Variants in RBM20 observed in about 807,000 individuals in gnomAD.
The protein encoded by RBM20 is RNA binding motif protein 20, also known as RNA-binding protein 20.
Under a neutral mutation model 110.1 loss-of-function variants are expected in RBM20, and 51 were observed. That is an observed-to-expected ratio of 0.46 (90% CI 0.37 to 0.59). The LOEUF (loss-of-function observed/expected upper bound fraction) is 0.59, where lower values mean the gene tolerates loss of function less well. Among genes scored for constraint, RBM20 ranks in the 20% least tolerant of loss-of-function variants. The pLI, the probability that RBM20 is intolerant of heterozygous loss-of-function variation, is 0.00. For missense variants in RBM20, 1,512 were observed against 1,574.9 expected (o/e 0.96, Z 0.68); for synonymous variants, 589 against 618.2 (o/e 0.95, Z 0.70).
Position 110,711,222 on chromosome 10 carries a change from C to T in RBM20, c.191+66577C>T, listed in dbSNP as rs527605624. Reference sequence around the variant, plus strand: ...GTGGGCACCTGTAATCCCAGCTGCTCGGGAGGCTGAGATAGGAGAATTGCT... The same window carrying T: ...GTGGGCACCTGTAATCCCAGCTGCTTGGGAGGCTGAGATAGGAGAATTGCT... On this transcript the variant is annotated intron_variant, in intron 1 of 13. Coordinates refer to ENST00000369519, the MANE Select transcript of RBM20 (RefSeq NM_001134363.3). Among the ~76,000 whole-genome samples, 26 of 144,032 alleles carry T rather than the reference C, an allele frequency of 1.8e-4. No individual in the cohort carries two copies. In the South Asian group the frequency reaches 5.3e-3, roughly 30 times the overall value. 94.5% of individuals were successfully genotyped at this position (144,032 alleles called of 152,430 possible). A position where few individuals can be genotyped will look rare whatever the true frequency, so the allele number is the denominator to read the frequency against.
intron 12 of RBM20, among the ~76,000 whole-genome samples, chr10:110,824,133 A>G (rs2135126886): frequency 6.6e-6 from 1 of 152,298 alleles, no homozygotes; most frequent in African/African-American, 2.4e-5. Flanking sequence ...ATACTCCGTG[A>G]AAACAGCCTT....
intron 1 of RBM20, among the ~76,000 whole-genome samples, chr10:110,748,635 G>A (rs74470621): frequency 0.014 from 2,080 of 152,198 alleles, 47 homozygotes; most frequent in African/African-American, 0.047. Flanking sequence ...TCACACTTAC[G>A]AGTTGTTGTG....
At chr10:110,655,403 C>G (rs1325481501) in intron 1 of RBM20, among the ~76,000 whole-genome samples, 4 of 151,606 alleles carry the variant, frequency 2.6e-5, no homozygotes, top group African/African-American at 9.7e-5. Context: ...GCTTGTTATG[C>G]ATGTTAAACA....
At chr10:110,652,797 G>A (rs1196074766) in intron 1 of RBM20, among the ~76,000 whole-genome samples, 4 of 152,210 alleles carry the variant, frequency 2.6e-5, no homozygotes, top group Non-Finnish European at 5.9e-5. Context: ...GGAGGAGAGA[G>A]AAATGGAGGC....
intron 5 of RBM20, among the ~76,000 whole-genome samples, chr10:110,790,287 G>A (rs1844468056): frequency 6.6e-6 from 1 of 152,154 alleles, no homozygotes; most frequent in Admixed American, 6.5e-5. Flanking sequence ...AGTAATTGAT[G>A]TGGCATATAC....
chr10:110,813,767 G>A lies in RBM20; in HGVS notation c.2550+820G>A, dbSNP rs540666070. ...GGAGAATCACTTTAACCCGGAAGGCGGAGGTTGCAGTGAGCCGAGATCATG... is the reference window on the plus strand; with the variant it reads ...GGAGAATCACTTTAACCCGGAAGGCAGAGGTTGCAGTGAGCCGAGATCATG... On this transcript the variant is annotated intron_variant, in intron 9 of 13. Transcript: ENST00000369519. Among the ~76,000 whole-genome samples the A allele has an allele frequency of 5.7e-4, 86 of 151,022 alleles. 1 individual carries two copies. The highest frequency in any genetic ancestry group is 3.4e-3 in the Middle Eastern group (1 of 294).
chr10:110,771,661 A>G lies in RBM20; in HGVS notation c.192-9140A>G, dbSNP rs181011695. ...GATCATGAAAGGGACATCAGTGCAC[A>G]CTGGATGGGAGCAGAAACCAGAGAA... is the stretch of plus-strand genomic sequence containing the variant. On this transcript the variant is annotated intron_variant, in intron 1 of 13. Transcript: ENST00000369519. Among the ~76,000 whole-genome samples, 613 of 152,350 alleles carry G rather than the reference A, an allele frequency of 4.0e-3. 5 individuals are homozygous for G. The highest frequency in any genetic ancestry group is 0.014 in the African/African-American group (584 of 41,586).
Position 110,831,114 on chromosome 10 carries a change from T to C in RBM20, c.3505T>C (p.Phe1169Leu), listed in dbSNP as rs771871604. ...CTTTTATTGCAAGCTGTGTGGGCTGTTCTACACGAGCGAGGAGACAGCAAA... is the reference window on the plus strand; with the variant it reads ...CTTTTATTGCAAGCTGTGTGGGCTGCTCTACACGAGCGAGGAGACAGCAAA... ...TGFYCKLCGLFYTSEETAKMS... is the reference protein window; with the variant it reads ...TGFYCKLCGLLYTSEETAKMS... Residue 1169 changes from phenylalanine (F) to leucine (L), a missense_variant, in exon 13 of 14, where the codon TTC becomes CTC. By Grantham distance (22) the Phe-to-Leu change is conservative. Around this residue, in one of 3 missense-constraint regions of RBM20, gnomAD observed 358 missense variants for 384.2 expected, o/e 0.93. Transcript: ENST00000369519. 28 of 1,551,404 alleles carry C rather than the reference T, an allele frequency of 1.8e-5. No individual in the cohort carries two copies. The highest frequency in any genetic ancestry group is 2.4e-5 in the Non-Finnish European group (28 of 1,146,908).
intron 1 of RBM20, among the ~76,000 whole-genome samples, chr10:110,703,883 G>A (rs550312330): frequency 6.6e-5 from 10 of 152,180 alleles, no homozygotes; most frequent in Non-Finnish European, 1.5e-4. Flanking sequence ...AGGCCACGGT[G>A]GGTGGATCAC....
intron 1 of RBM20, among the ~76,000 whole-genome samples, chr10:110,669,231 A>G (rs541928868): frequency 5.1e-4 from 77 of 152,328 alleles, no homozygotes; most frequent in African/African-American, 1.7e-3. Context: ...GAGAACTATG[A>G]AAGTGTTTCC....
chr10:110,777,075 C>A (rs1179647960), intron 1 of RBM20, among the ~76,000 whole-genome samples: 1 of 152,228 alleles, frequency 6.6e-6, no homozygotes, highest in Non-Finnish European at 1.5e-5. Flanking sequence ...CCTTATCTTC[C>A]TTCTTCATTT....
chr10:110,714,830 C>T (rs1034009259), intron 1 of RBM20, among the ~76,000 whole-genome samples: 1 of 152,168 alleles, frequency 6.6e-6, no homozygotes. Flanking sequence ...GGTGGAGGCT[C>T]CAGCTGGCTT....
intron 1 of RBM20, among the ~76,000 whole-genome samples, chr10:110,725,033 G>A (rs896839531): frequency 2.0e-5 from 3 of 152,166 alleles, no homozygotes; most frequent in African/African-American, 4.8e-5. Context: ...CACTGTCACT[G>A]AGCTCTATTA....
Position 110,667,598 on chromosome 10 carries a change from T to C in RBM20, c.191+22953T>C, listed in dbSNP as rs74769214. Among the ~76,000 whole-genome samples, 538 of 152,310 alleles carry C rather than the reference T, an allele frequency of 3.5e-3. 3 individuals carry two copies. The highest frequency in any genetic ancestry group is 0.013 in the African/African-American group (520 of 41,570). ...TTCCTGAAGCAAGCACCACATTTTCTCTCCTTTCTACCTTGTTTGCCTCTT... is the reference window on the plus strand; with the variant it reads ...TTCCTGAAGCAAGCACCACATTTTCCCTCCTTTCTACCTTGTTTGCCTCTT... On this transcript the variant is annotated intron_variant, in intron 1 of 13. Coordinates refer to ENST00000369519, the MANE Select transcript of RBM20 (RefSeq NM_001134363.3).
intron 7 of RBM20, among the ~76,000 whole-genome samples, chr10:110,801,670 A>T (rs900534829): frequency 6.7e-6 from 1 of 148,504 alleles, no homozygotes; most frequent in African/African-American, 2.5e-5. Context: ...AGTAGCTGGG[A>T]CTACAGGCAC....
At chr10:110,647,779 T>A (rs1202476628) in intron 1 of RBM20, among the ~76,000 whole-genome samples, 1 of 152,214 alleles carries the variant, frequency 6.6e-6, no homozygotes, top group African/African-American at 2.4e-5. Context: ...ACCTAATCCT[T>A]TATTTATAAG....
At chr10:110,791,200 G>T (rs1486546116) in intron 5 of RBM20, among the ~76,000 whole-genome samples, 1 of 152,210 alleles carries the variant, frequency 6.6e-6, no homozygotes, top group Non-Finnish European at 1.5e-5. Flanking sequence ...CTTGCTCTCT[G>T]CATAACAGGT....
In RBM20 at chr10:110,741,931, C is replaced by G. The variant is rs554127057; in HGVS notation, c.192-38870C>G. ...GTTTACGTGCCTGCCTCCCCATGGA[C>G]GTACACTCCTCTAGGGCAGAACCCA... On this transcript the variant is annotated intron_variant, in intron 1 of 13. Coordinates refer to ENST00000369519, the MANE Select transcript of RBM20 (RefSeq NM_001134363.3). 1.4e-4 allele frequency among the ~76,000 whole-genome samples: 21 copies of G among 152,252 alleles called. No homozygotes were observed. In the South Asian group the frequency reaches 4.4e-3, roughly 32 times the overall value.
intron 1 of RBM20, among the ~76,000 whole-genome samples, chr10:110,672,432 A>G (rs1187021356): frequency 6.6e-6 from 1 of 152,130 alleles, no homozygotes; most frequent in African/African-American, 2.4e-5. Flanking sequence ...GTCACCCGGG[A>G]CCCTGCGTCC....
Sources: gnomAD v4.1 joint callset for allele counts (sites outside exome capture counted in the v4.1 genomes callset) on GRCh38, gnomAD v4.1.1 for gene constraint, gnomAD v4.1.1 regional missense constraint, MANE v1.5 for transcripts, NCBI Gene and HGNC (gene_info 2026-07-23, HGNC 2026-07-21) for gene names.